Variants in VPS13C observed in about 807,000 individuals in gnomAD.
VPS13C encodes intermembrane lipid transfer protein VPS13C.
In VPS13C, 358 loss-of-function variants were observed where a neutral mutation model predicts 456.8. The ratio of observed to expected loss-of-function variants is 0.78; its 90% CI spans 0.72 to 0.86. The LOEUF is 0.86. Among genes scored for constraint, VPS13C ranks in the 40% least tolerant of loss-of-function variants. VPS13C has a pLI of 0.00. For missense variants in VPS13C, 4,818 were observed against 4,385.4 expected, an observed-to-expected ratio of 1.10 and a Z score of -2.79; for synonymous variants, 1,578 against 1,486.7, an observed-to-expected ratio of 1.06 and a Z score of -1.41.
intron 32 of VPS13C, 150 bp downstream of exon 32, chr15:61,963,685 C>A (rs888731532): frequency 1.6e-6 from 1 of 606,760 alleles, no homozygotes; most frequent in Non-Finnish European, 2.9e-6. Flanking sequence ...ATATCTATAT[C>A]CCAAATAGAG....
chr15:61,861,226 A>C (rs1218876359), intron 82 of VPS13C, among the ~76,000 whole-genome samples: 1 of 152,064 alleles, frequency 6.6e-6, no homozygotes, highest in Non-Finnish European at 1.5e-5. Context: ...GCCTCTCAAA[A>C]GTGCTGGGAT....
At chr15:61,868,594 G>A in intron 81 of VPS13C, 65 bp downstream of exon 81, 1 of 1,401,616 alleles carries the variant, frequency 7.1e-7, no homozygotes, top group South Asian at 1.2e-5. Context: ...AACCACCTAG[G>A]AAATCCTGGG....
Position 61,952,633 on chromosome 15 carries a change from T to A in VPS13C, c.4300-653A>T, listed in dbSNP as rs74621685. ...AACTCTGATATTAACCAGAAAAACA[T>A]CCAAGTTTAACATATAACATCAAAG... is the stretch of plus-strand genomic sequence containing the variant. On this transcript the variant is annotated intron_variant, in intron 38 of 84. Transcript: ENST00000644861. Among the ~76,000 whole-genome samples, 1,465 of 152,260 alleles carry A rather than the reference T, an allele frequency of 9.6e-3. 28 individuals carry two copies. The highest frequency in any genetic ancestry group is 0.034 in the African/African-American group (1,409 of 41,558).
chr15:61,990,290 T>G (rs1229765453), intron 18 of VPS13C, among the ~76,000 whole-genome samples: 1 of 152,194 alleles, frequency 6.6e-6, no homozygotes, highest in East Asian at 1.9e-4. Context: ...TAGGGACTTC[T>G]AAGGTGACAG....
At chr15:61,993,981 C>A (rs1209960013) in intron 16 of VPS13C, among the ~76,000 whole-genome samples, 2 of 151,616 alleles carry the variant, frequency 1.3e-5, no homozygotes, top group African/African-American at 4.8e-5. Context: ...TATATGAGAC[C>A]AAAAATAAAT....
intron 5 of VPS13C, among the ~76,000 whole-genome samples, chr15:62,031,908 G>A (rs1333118892): frequency 3.3e-5 from 5 of 151,702 alleles, no homozygotes; most frequent in Admixed American, 2.0e-4. Context: ...TGTCAATCAC[G>A]AAAACAAATG....
At position 61,854,488 on chromosome 15, in the gene VPS13C, A is replaced by C; in HGVS notation, c.11231T>G (p.Val3744Gly). ...TGGCAATTGGGGTCTGAGAAGTCTC[A>C]CTGATGACTGCTTCATCAATTTTTG... ...QQQKLMKQSS[V>G]RLLRPQLPS The change falls in exon 85 of 85, where the codon GTG becomes GGG. Residue 3744 changes from valine (V) to glycine (G), a missense_variant. By Grantham distance (109) the Val-to-Gly change is moderately radical. This residue lies in a region of VPS13C where 261 missense variants were observed against 234.1 expected (regional missense o/e 1.11). Coordinates refer to ENST00000644861, the MANE Select transcript of VPS13C (RefSeq NM_020821.3). The C allele has an allele frequency of 6.2e-7, 1 of 1,614,184 alleles. No homozygotes were observed.
chr15:62,056,729 T>C (rs1236451665), intron 1 of VPS13C, among the ~76,000 whole-genome samples: 3 of 152,202 alleles, frequency 2.0e-5, no homozygotes, highest in African/African-American at 4.8e-5. Context: ...CGCCTTCATG[T>C]TCCATCCTGT....
chr15:61,923,386 C>A lies in VPS13C; in HGVS notation c.6610-624G>T, dbSNP rs573622827. ...CCTATTACTGTGCCTTAGTTCTACA[C>A]TGATGACATCTTCTACGGCCAACGC... On this transcript the variant is annotated intron_variant, in intron 53 of 84. Transcript: ENST00000644861. Among the ~76,000 whole-genome samples, 4 of 152,312 alleles carry A rather than the reference C, an allele frequency of 2.6e-5. No homozygotes were observed. In the East Asian group the frequency reaches 7.7e-4, roughly 29 times the overall value.
Position 61,952,088 on chromosome 15 carries a change from A to G in VPS13C, c.4300-108T>C, listed in dbSNP as rs569965143. 1.3e-4 allele frequency: 162 copies of G among 1,224,960 alleles called. 1 individual carries two copies. Among genetic ancestry groups the G allele is most frequent in the South Asian group, 9.8e-4 (61 of 62,266 alleles). 75.9% of individuals were successfully genotyped at this position (1,224,960 alleles called of 1,614,324 possible). On this transcript the variant is annotated intron_variant, in intron 38 of 84. Coordinates refer to ENST00000644861, the MANE Select transcript of VPS13C (RefSeq NM_020821.3). ...GTGATATAAGGAAGAAATTCACACA[A>G]TGTTAAGATGTGTACTTCTATTTGT...
At chr15:61,988,814 T>C (rs752568218) in intron 18 of VPS13C, among the ~76,000 whole-genome samples, 10 of 152,134 alleles carry the variant, frequency 6.6e-5, no homozygotes, top group Non-Finnish European at 1.0e-4. Context: ...TGGAGAGCAG[T>C]GGCAAAGGCA....
At chr15:61,964,969 C>T (rs1277982893) in intron 30 of VPS13C, 108 bp from the exon 31 acceptor site, 2 of 1,019,232 alleles carry the variant, frequency 2.0e-6, no homozygotes, top group Non-Finnish European at 2.8e-6. Flanking sequence ...TTGCTTTCCA[C>T]CACTCTGAAG....
intron 55 of VPS13C, 135 bp from the exon 56 acceptor site, chr15:61,920,782 C>T: frequency 2.8e-6 from 2 of 702,816 alleles, no homozygotes; most frequent in Non-Finnish European, 4.2e-6. Context: ...AAAAATATAC[C>T]ATGCTTCACT....
At chr15:61,855,255 A>C (rs1016544180) in intron 83 of VPS13C, among the ~76,000 whole-genome samples, 6 of 152,194 alleles carry the variant, frequency 3.9e-5, no homozygotes, top group Non-Finnish European at 8.8e-5. Flanking sequence ...CATCTGACAA[A>C]TCAAAAAACC....
rs993659254 is a variant in VPS13C at position 61,907,131 on chromosome 15, C to T, written c.9105+133G>A. 3 of 1,380,660 alleles carry T rather than the reference C, an allele frequency of 2.2e-6. No homozygotes were observed. The African/African-American group carries it at 4.3e-5, about 20-fold the overall frequency. 85.5% of individuals were successfully genotyped at this position (1,380,660 alleles called of 1,614,324 possible). A position where few individuals can be genotyped will look rare whatever the true frequency, so the allele number is the denominator to read the frequency against. ...ACTACAGTATTTGCCATCTAAAGTC[C>T]AAAAGCTACTTTTTCTGGAAATACT... On this transcript the variant is annotated intron_variant, in intron 66 of 84. Coordinates refer to ENST00000644861, the MANE Select transcript of VPS13C (RefSeq NM_020821.3).
chr15:61,950,984 A>G lies in VPS13C; in HGVS notation c.4497T>C (p.Asn1499=). Residue 1499 remains asparagine, a synonymous_variant, in exon 40 of 85, where the codon AAT becomes AAC. Coordinates refer to ENST00000644861, the MANE Select transcript of VPS13C (RefSeq NM_020821.3). ...GEPLHIINSS[N]VTDEPLLKML... The stretch of plus-strand genomic sequence containing the variant: ...TTTTCAGAAGGGGTTCGTCAGTCAC[A>G]TTAGAAGAGTTAATAATGTGAAGAG... 1 of 1,605,384 alleles carries G rather than the reference A, an allele frequency of 6.2e-7. No homozygotes were observed. Among genetic ancestry groups the G allele is most frequent in the Non-Finnish European group, 8.5e-7 (1 of 1,176,374 alleles).
chr15:62,011,329 A>G (rs541520209), intron 12 of VPS13C, among the ~76,000 whole-genome samples: 1 of 152,184 alleles, frequency 6.6e-6, no homozygotes, highest in Admixed American at 6.5e-5. Context: ...GAAATTGTAG[A>G]TTTTCCTTAA....
At position 61,915,658 on chromosome 15, in the gene VPS13C, T is replaced by C; in HGVS notation, c.8420A>G (p.Lys2807Arg). ...FRDIILFSFKKKNIFTKNKVQ... is the reference protein window; with the variant it reads ...FRDIILFSFKRKNIFTKNKVQ... ...CTTATTTTTAGTAAAAATGTTCTTC[T>C]TCTTGAAAGAAAATAAAATAATATC... Residue 2807 changes from lysine to arginine, a missense_variant, in exon 61 of 85, where the codon AAG (lysine) becomes AGG (arginine). Coordinates refer to ENST00000644861, the MANE Select transcript of VPS13C (RefSeq NM_020821.3). 6.3e-7 allele frequency: 1 copy of C among 1,599,140 alleles called. No individual in the cohort carries two copies. Among genetic ancestry groups the C allele is most frequent in the Non-Finnish European group, 8.5e-7 (1 of 1,175,450 alleles).
Position 62,060,275 on chromosome 15 carries a change from C to A in VPS13C, c.100G>T (p.Gly34Ter). ...CCACTGGCCGCGCCCTCTCGCTTAC[C>A]GCCCCAGATGCCCAGCTTCAGCTGG... ...KSQLKLGIWG[G>*]NVALDNLQIK... Residue 34 changes from glycine (G) to a stop codon, truncating the protein, a stop_gained and splice_region_variant, in exon 1 of 85, where the codon GGA becomes TGA. Transcript: ENST00000644861. LOFTEE classifies it high-confidence loss of function. 6.2e-7 allele frequency: 1 copy of A among 1,601,656 alleles called. No individual in the cohort carries two copies. The highest frequency in any genetic ancestry group is 1.4e-5 in the African/African-American group (1 of 73,856).
Sources: allele counts gnomAD v4.1 joint callset (sites outside exome capture counted in the v4.1 genomes callset), GRCh38; gene constraint gnomAD v4.1.1; regional missense constraint gnomAD v4.1.1; transcripts MANE v1.5; gene names NCBI Gene and HGNC (gene_info 2026-07-23, HGNC 2026-07-21).